SLF1: variants seen among roughly 807,000 people sequenced by gnomAD.
SLF1 encodes the protein SMC5-SMC6 complex localization factor protein 1.
Under a neutral mutation model 123.0 loss-of-function variants are expected in SLF1, and 105 were observed. That is an observed-to-expected ratio of 0.85 (90% CI 0.73 to 1.00). The LOEUF (loss-of-function observed/expected upper bound fraction) is 1.00, where lower values mean the gene tolerates loss of function less well. Among genes scored for constraint, SLF1 ranks in the 50% least tolerant of loss-of-function variants. The pLI is 0.00. For missense variants in SLF1, 1,239 were observed against 1,223.0 expected, an observed-to-expected ratio of 1.01 and a Z score of -0.20; for synonymous variants, 434 against 406.6, an observed-to-expected ratio of 1.07 and a Z score of -0.81.
chr5:94,682,891 G>T (rs183217039), intron 15 of SLF1, among the ~76,000 whole-genome samples: 11 of 152,248 alleles, frequency 7.2e-5, no homozygotes, highest in African/African-American at 1.9e-4. Context: ...GGCTTTTTAG[G>T]CCCTACAGTC....
intron 4 of SLF1, among the ~76,000 whole-genome samples, chr5:94,642,955 A>T (rs951583134): frequency 6.6e-6 from 1 of 152,066 alleles, no homozygotes; most frequent in South Asian, 2.1e-4. Context: ...CCGCTTCCTT[A>T]GACTTCTTTC....
chr5:94,675,904 ATTT>A (rs70978120), intron 14 of SLF1, among the ~76,000 whole-genome samples: 4 of 121,706 alleles, frequency 3.3e-5, no homozygotes, highest in East Asian at 4.8e-4. Flanking sequence ...CAACTGGTTG[ATTT>A]TTTTTTTTTT....
chr5:94,692,269 A>C lies in SLF1; in HGVS notation c.2695+13A>C, dbSNP rs752166665. On this transcript the variant is annotated intron_variant, in intron 20 of 20. Coordinates refer to ENST00000265140, the MANE Select transcript of SLF1 (RefSeq NM_032290.4). The stretch of plus-strand genomic sequence containing the variant: ...CTACAGCATGGGGGTGAGTGTGTTT[A>C]TGCTAAATGGGTTTTGATAAATTAT... The C allele has an allele frequency of 3.7e-6, 6 of 1,605,246 alleles. No homozygotes were observed. Among genetic ancestry groups the C allele is most frequent in the Non-Finnish European group, 4.3e-6 (5 of 1,174,664 alleles).
chr5:94,690,037 T>G (rs1752901446), intron 18 of SLF1, among the ~76,000 whole-genome samples: 1 of 152,204 alleles, frequency 6.6e-6, no homozygotes, highest in Non-Finnish European at 1.5e-5. Context: ...CATAGCTGTG[T>G]TAAGCATATG....
chr5:94,658,069 TTG>T (rs1748621835), intron 9 of SLF1, among the ~76,000 whole-genome samples: 1 of 152,018 alleles, frequency 6.6e-6, no homozygotes, highest in African/African-American at 2.4e-5. Context: ...GAGGACTTAC[TTG>T]TGTTATTTTG....
At chr5:94,688,103 TTTGTTTTCTGTTGAAGAAAGAC>T (rs1447181668) in intron 16 of SLF1, among the ~76,000 whole-genome samples, 2 of 150,062 alleles carry the variant, frequency 1.3e-5, no homozygotes, top group South Asian at 2.1e-4. Flanking sequence ...TATTCCTTAT[TTTGTTTTCTGTTGAAGAAAGAC>T]TTGTTTTCTG....
chr5:94,630,267 A>G (rs1745060165), intron 3 of SLF1, among the ~76,000 whole-genome samples: 1 of 152,196 alleles, frequency 6.6e-6, no homozygotes, highest in Non-Finnish European at 1.5e-5. Flanking sequence ...TAGCTATGGA[A>G]TTATATTTAG....
rs1477895731 is a variant in SLF1, at chr5:94,665,890, C to G, written c.1398C>G (p.Tyr466Ter). 1 of 1,547,848 alleles carries G rather than the reference C, an allele frequency of 6.5e-7. No individual in the cohort carries two copies. The highest frequency in any genetic ancestry group is 1.4e-5 in the African/African-American group (1 of 72,920). Residue 466 changes from tyrosine to a stop codon, truncating the protein, a stop_gained, in exon 12 of 21, where the codon TAC becomes TAG. Coordinates refer to ENST00000265140, the MANE Select transcript of SLF1 (RefSeq NM_032290.4). LOFTEE classifies it high-confidence loss of function. ...ACATAGATACATTTTCTGGTCGATA[C>G]TTTCATATATTGTCAGCTCTTCTTC... ...QDNIDTFSGRYFHILSALLHL... is the reference protein window; with the variant it reads ...QDNIDTFSGR
At chr5:94,652,220 A>G (rs1561442848) in intron 7 of SLF1, among the ~76,000 whole-genome samples, 1 of 152,122 alleles carries the variant, frequency 6.6e-6, no homozygotes, top group Non-Finnish European at 1.5e-5. Context: ...CATGTTGGCC[A>G]GGATGGTCTT....
chr5:94,686,642 C>T lies in SLF1; in HGVS notation c.2045C>T (p.Ala682Val). The T allele has an allele frequency of 1.2e-6, 2 of 1,614,024 alleles. No individual in the cohort carries two copies. The highest frequency in any genetic ancestry group is 1.7e-6 in the Non-Finnish European group (2 of 1,179,922). The part of the protein sequence containing the change: ...FSSSWLQMFV[A>V]EAVFKKLCLQ... ...TCCTCCTGGCTTCAAATGTTTGTTG[C>T]AGAGGCAGTCTTTAAAAAGTTGTGT... is the stretch of plus-strand genomic sequence containing the variant. Residue 682 changes from alanine to valine, a missense_variant, in exon 16 of 21, where the codon GCA (alanine) becomes GTA (valine). Ala to Val is a moderately conservative substitution (Grantham distance 64, BLOSUM62 0). Transcript: ENST00000265140.
Position 94,669,534 on chromosome 5 carries a change from T to G in SLF1, c.1533-617T>G, listed in dbSNP as rs577629791. ...TGACCCAATAGCCACTAGCCATATC[T>G]ATTTATATTTAAATTTTATTCAGAC... On this transcript the variant is annotated intron_variant, in intron 12 of 20. Transcript: ENST00000265140. 3.9e-5 allele frequency among the ~76,000 whole-genome samples: 6 copies of G among 152,248 alleles called. No homozygotes were observed. The East Asian group carries it at 1.2e-3, about 29-fold the overall frequency.
chr5:94,621,991 G>T (rs1199765229), intron 1 of SLF1, among the ~76,000 whole-genome samples: 1 of 152,060 alleles, frequency 6.6e-6, no homozygotes, highest in African/African-American at 2.4e-5. Flanking sequence ...AAGTCTGAAG[G>T]CCAGCTGAAT....
chr5:94,672,994 T>C lies in SLF1; in HGVS notation c.1827+1986T>C, dbSNP rs977724153. Among the ~76,000 whole-genome samples, 3 of 152,204 alleles carry C rather than the reference T, an allele frequency of 2.0e-5. No individual in the cohort carries two copies. The East Asian group carries it at 5.8e-4, about 29-fold the overall frequency. On this transcript the variant is annotated intron_variant, in intron 14 of 20. Transcript: ENST00000265140. Reference sequence around the variant, plus strand: ...TGGGTGTACCACTAGTTAAGGACTATTCTAATCCAATGTCTATGTTTGGGG... The same window carrying C: ...TGGGTGTACCACTAGTTAAGGACTACTCTAATCCAATGTCTATGTTTGGGG...
intron 4 of SLF1, among the ~76,000 whole-genome samples, chr5:94,642,586 A>G (rs1746567355): frequency 6.6e-6 from 1 of 152,134 alleles, no homozygotes; most frequent in South Asian, 2.1e-4. Flanking sequence ...TGGGGTCAAT[A>G]AAAGTTAGGA....
chr5:94,640,611 T>C (rs67994891), intron 4 of SLF1, among the ~76,000 whole-genome samples: 33,834 of 152,090 alleles, frequency 0.22, 3,892 homozygotes, highest in East Asian at 0.34. Context: ...GGAACTCCAT[T>C]GCATGCCTTT....
At chr5:94,641,458 G>C (rs12657323) in intron 4 of SLF1, among the ~76,000 whole-genome samples, 4 of 151,960 alleles carry the variant, frequency 2.6e-5, no homozygotes, top group Admixed American at 2.0e-4. Context: ...TATTCTGTTA[G>C]AGCAGCAGAA....
intron 9 of SLF1, among the ~76,000 whole-genome samples, chr5:94,657,671 C>CT (rs1257394069): frequency 1.3e-5 from 2 of 152,096 alleles, no homozygotes; most frequent in East Asian, 3.9e-4. Context: ...GTTGAAGTCT[C>CT]TGTCTCCCTC....
At chr5:94,664,161 A>T in intron 11 of SLF1, among the ~76,000 whole-genome samples, 1 of 152,226 alleles carries the variant, frequency 6.6e-6, no homozygotes, top group Non-Finnish European at 1.5e-5. Context: ...AAGGTTATCT[A>T]ATTTTTCTCA....
intron 11 of SLF1, among the ~76,000 whole-genome samples, chr5:94,665,019 C>T (rs998532327): frequency 6.6e-6 from 1 of 152,166 alleles, no homozygotes; most frequent in African/African-American, 2.4e-5. Context: ...ATTTCCTTCA[C>T]TACTGAAGGC....
Sources: gnomAD v4.1 joint callset for allele counts (sites outside exome capture counted in the v4.1 genomes callset) on GRCh38, gnomAD v4.1.1 for gene constraint, MANE v1.5 for transcripts, NCBI Gene and HGNC (gene_info 2026-07-23, HGNC 2026-07-21) for gene names.